Variants in CTBP2 observed in about 807,000 individuals in gnomAD.
CTBP2 encodes C-terminal binding protein 2.
A neutral mutation model predicts 80.3 loss-of-function variants in CTBP2; 30 were observed. That is an observed-to-expected ratio of 0.37 (90% CI 0.28 to 0.51). CTBP2 has a LOEUF of 0.51. Among genes scored for constraint, CTBP2 ranks in the 20% least tolerant of loss-of-function variants. CTBP2 has a pLI of 0.93. For synonymous variants in CTBP2, 594 were observed against 587.4 expected (o/e 1.01, Z -0.16); for missense variants, 1,212 against 1,375.3 (o/e 0.88, Z 1.88).
At chr10:125,092,732 T>C (rs1195962928) in intron 2 of CTBP2, among the ~76,000 whole-genome samples, 1 of 152,190 alleles carries the variant, frequency 6.6e-6, no homozygotes, top group Non-Finnish European at 1.5e-5. Context: ...GTCCTGTCTC[T>C]GGATAAGCCC....
chr10:125,044,329 T>TGCTGGTGTGGTGCTG (rs1554884339), intron 2 of CTBP2, among the ~76,000 whole-genome samples: 3 of 151,846 alleles, frequency 2.0e-5, no homozygotes, highest in African/African-American at 2.4e-5. Context: ...CCGAGGATCC[T>TGCTGGTGTGGTGCTG]GCTGGTGTGG....
At chr10:125,050,630 TC>T (rs1289525447) in intron 2 of CTBP2, among the ~76,000 whole-genome samples, 2 of 152,124 alleles carry the variant, frequency 1.3e-5, no homozygotes, top group South Asian at 2.1e-4. Context: ...GGGGTGCGGC[TC>T]ACAAGAGTTC....
At position 124,987,545 on chromosome 10, in the gene CTBP2, A is replaced by G. The variant is rs569699482; in HGVS notation, c.*1973T>C. Reference sequence around the variant, plus strand: ...TGCGCTTGGCCTCCTTTTCACGCATATTTCATTGCCTCTTTGATGAGTGGT... The same window carrying G: ...TGCGCTTGGCCTCCTTTTCACGCATGTTTCATTGCCTCTTTGATGAGTGGT... On this transcript the variant is annotated 3_prime_UTR_variant, in exon 9 of 9. Transcript: ENST00000309035. The G allele has an allele frequency of 4.6e-4, 70 of 152,228 alleles. No homozygotes were observed. Among genetic ancestry groups the G allele is most frequent in the African/African-American group, 1.6e-3 (68 of 41,524 alleles). 9.4% of individuals were successfully genotyped at this position (152,228 alleles called of 1,614,324 possible).
chr10:125,118,553 T>C (rs757064088), intron 1 of CTBP2, among the ~76,000 whole-genome samples: 8 of 152,082 alleles, frequency 5.3e-5, no homozygotes, highest in Non-Finnish European at 8.8e-5. Context: ...AAGCTGCCCG[T>C]GGGCCATGGA....
intron 2 of CTBP2, among the ~76,000 whole-genome samples, chr10:125,058,875 C>T (rs1443777250): frequency 1.3e-5 from 2 of 152,150 alleles, no homozygotes; most frequent in African/African-American, 4.8e-5. Context: ...GCCTGGGCGA[C>T]AGGGTGAGAC....
At position 125,159,905 on chromosome 10, in the gene CTBP2, A is replaced by ACGC. The variant is rs914402297; in HGVS notation, c.-206+411_-206+413dup. On this transcript the variant is annotated intron_variant, in intron 1 of 10. Transcript: ENST00000337195. ...GGGCGCCCAGGGAACCGTCGCCGAGACGCCGCCGCCGCCGCCGCCGCTGCC... is the reference window on the plus strand; with the variant it reads ...GGGCGCCCAGGGAACCGTCGCCGAGACGCCGCCGCCGCCGCCGCCGCCGCTGCC... 1.8e-3 allele frequency: 269 copies of ACGC among 147,988 alleles called. 2 individuals carry two copies. The highest frequency in any genetic ancestry group is 0.012 in the Admixed American group (172 of 14,674). The allele number at this position is 147,988 out of a possible 1,614,324, so 9.2% of individuals were successfully genotyped here. A position where few individuals can be genotyped will look rare whatever the true frequency, so the allele number is the denominator to read the frequency against.
intron 1 of CTBP2, among the ~76,000 whole-genome samples, chr10:125,022,067 T>C (rs756572737): frequency 2.0e-5 from 3 of 152,254 alleles, no homozygotes; most frequent in Admixed American, 6.5e-5. Context: ...AGTCAGGCCC[T>C]TAGCTGCCCT....
intron 1 of CTBP2, among the ~76,000 whole-genome samples, chr10:125,156,203 A>AC (rs772367776): frequency 6.5e-4 from 99 of 152,104 alleles, no homozygotes; most frequent in Admixed American, 5.2e-4. Flanking sequence ...TCCCTTCCCA[A>AC]CCATGTGCTG....
chr10:124,984,780 A>G lies in CTBP2; in HGVS notation c.*4738T>C. Reference sequence around the variant, plus strand: ...CTTCATATTCCTCCAAAAGCTAGGTAATGAGGAACAGCAAGAAAAACTGCT... The same window carrying G: ...CTTCATATTCCTCCAAAAGCTAGGTGATGAGGAACAGCAAGAAAAACTGCT... On this transcript the variant is annotated 3_prime_UTR_variant, in exon 9 of 9. Coordinates refer to ENST00000309035, the MANE Select transcript of CTBP2 (RefSeq NM_022802.3). 1 of 1,613,442 alleles carries G rather than the reference A, an allele frequency of 6.2e-7. No individual in the cohort carries two copies. The highest frequency in any genetic ancestry group is 8.5e-7 in the Non-Finnish European group (1 of 1,179,526).
At chr10:125,085,440 G>A (rs1280131952) in intron 2 of CTBP2, among the ~76,000 whole-genome samples, 1 of 152,196 alleles carries the variant, frequency 6.6e-6, no homozygotes, top group Non-Finnish European at 1.5e-5. Flanking sequence ...GCATATGGCA[G>A]GGGAGCCACC....
intron 1 of CTBP2, 71 bp from the exon 4 acceptor site, chr10:125,003,563 C>T: frequency 2.4e-6 from 3 of 1,265,712 alleles, no homozygotes; most frequent in East Asian, 5.0e-5. Context: ...GGGGCAGCTC[C>T]CCACTCATCA....
chr10:125,154,652 T>TA (rs34822464), intron 1 of CTBP2, among the ~76,000 whole-genome samples: 4 of 152,040 alleles, frequency 2.6e-5, no homozygotes, highest in Non-Finnish European at 4.4e-5. Flanking sequence ...GTGTCGTTGC[T>TA]AAAAAAACTG....
chr10:125,145,506 G>A (rs2133326203), intron 1 of CTBP2, among the ~76,000 whole-genome samples: 2 of 152,316 alleles, frequency 1.3e-5, no homozygotes, highest in South Asian at 4.1e-4. Context: ...GGGTAGGGCA[G>A]GGCACGGCAG....
Position 124,992,394 on chromosome 10 carries a change from G to A in CTBP2, c.2777+301C>T, listed in dbSNP as rs576327170. Among the ~76,000 whole-genome samples the A allele has an allele frequency of 5.9e-5, 9 of 152,012 alleles. No individual in the cohort carries two copies. In the East Asian group the frequency reaches 1.4e-3, roughly 23 times the overall value. On this transcript the variant is annotated intron_variant, in intron 8 of 8. Coordinates refer to ENST00000309035, the MANE Select transcript of CTBP2 (RefSeq NM_022802.3). Reference sequence around the variant, plus strand: ...AGACTGCAGGTGTGCGCCACCACACGTGACTGGGAAGCCTTCTGGTTTTAA... The same window carrying A: ...AGACTGCAGGTGTGCGCCACCACACATGACTGGGAAGCCTTCTGGTTTTAA...
intron 1 of CTBP2, among the ~76,000 whole-genome samples, chr10:125,017,464 C>T (rs908450307): frequency 6.6e-6 from 1 of 152,200 alleles, no homozygotes; most frequent in Non-Finnish European, 1.5e-5. Context: ...TCCTTGTGTA[C>T]AGGATTGCAC....
chr10:125,007,316 T>C (rs1259699150), intron 1 of CTBP2, among the ~76,000 whole-genome samples: 1 of 152,258 alleles, frequency 6.6e-6, no homozygotes, highest in East Asian at 1.9e-4. Flanking sequence ...GTCCGGGATG[T>C]GCTGTGCACC....
At position 125,027,465 on chromosome 10, in the gene CTBP2, T is replaced by G. The variant is rs372986826; in HGVS notation, c.295A>C (p.Met99Leu). Residue 99 changes from methionine to leucine, a missense_variant, in exon 1 of 9, where the codon ATG (methionine) becomes CTG (leucine). Around this residue, in one of 3 missense-constraint regions of CTBP2, gnomAD observed 848 missense variants for 782.3 expected, o/e 1.08. Coordinates refer to ENST00000309035, the MANE Select transcript of CTBP2 (RefSeq NM_022802.3). The stretch of plus-strand genomic sequence containing the variant: ...GGCAGCAGGGGGCTGCGACCAGACA[T>G]CACTGCCTGTCTGCTGTCGTAGAAG... 1.8e-5 allele frequency: 29 copies of G among 1,613,966 alleles called. No homozygotes were observed. The African/African-American group carries it at 3.5e-4, about 19-fold the overall frequency.
At chr10:125,112,430 GT>G (rs59714965) in intron 1 of CTBP2, among the ~76,000 whole-genome samples, 13,892 of 92,190 alleles carry the variant, frequency 0.15, 829 homozygotes, top group African/African-American at 0.28. Context: ...TACCTTTTTC[GT>G]TTTTTTTTTT....
At chr10:125,050,186 A>G (rs1962378264) in intron 2 of CTBP2, among the ~76,000 whole-genome samples, 1 of 152,102 alleles carries the variant, frequency 6.6e-6, no homozygotes, top group South Asian at 2.1e-4. Context: ...ACATTCCATA[A>G]TGCGTCTCTA....
Sources: gnomAD v4.1 joint callset for allele counts (sites outside exome capture counted in the v4.1 genomes callset) on GRCh38, gnomAD v4.1.1 for gene constraint, gnomAD v4.1.1 regional missense constraint, MANE v1.5 for transcripts, NCBI Gene and HGNC (gene_info 2026-07-23, HGNC 2026-07-21) for gene names.